The following SPHKAP variants were observed in gnomAD, a reference collection of about 807,000 sequenced individuals.
SPHKAP encodes A-kinase anchor protein SPHKAP.
SPHKAP carries 67 observed loss-of-function variants against 137.5 expected under a neutral mutation model. The observed-to-expected ratio is 0.49, with a 90% CI of 0.40 to 0.60. SPHKAP has a LOEUF of 0.60. SPHKAP is among the 20% of genes least tolerant of loss of function. SPHKAP has a pLI of 0.00. For synonymous variants in SPHKAP, 813 were observed against 785.3 expected, an observed-to-expected ratio of 1.04 and a Z score of -0.59; for missense variants, 2,097 against 2,069.3, an observed-to-expected ratio of 1.01 and a Z score of -0.26.
chr2:228,026,953 C>A (rs1695064396), intron 4 of SPHKAP, among the ~76,000 whole-genome samples: 1 of 152,230 alleles, frequency 6.6e-6, no homozygotes, highest in South Asian at 2.1e-4. Context: ...CTTATTACAG[C>A]ACTTAATTCT....
chr2:228,113,088 G>A (rs903774140), intron 2 of SPHKAP, among the ~76,000 whole-genome samples: 1 of 152,056 alleles, frequency 6.6e-6, no homozygotes, highest in African/African-American at 2.4e-5. Flanking sequence ...TTTGTTTGGT[G>A]AGAATATTCA....
At chr2:228,098,141 C>CGT (rs1468377087) in intron 3 of SPHKAP, among the ~76,000 whole-genome samples, 1 of 134,026 alleles carries the variant, frequency 7.5e-6, no homozygotes, top group Non-Finnish European at 1.6e-5. Flanking sequence ...ACGTTGCCAA[C>CGT]ATATTTTTTT....
intron 3 of SPHKAP, among the ~76,000 whole-genome samples, chr2:228,098,782 CT>C (rs1698091172): frequency 6.9e-6 from 1 of 143,898 alleles, no homozygotes; most frequent in Non-Finnish European, 1.5e-5. Context: ...AAAAAAGTGT[CT>C]GTTCATGGCC....
At chr2:228,049,485 A>T (rs1444267600) in intron 3 of SPHKAP, among the ~76,000 whole-genome samples, 1 of 152,218 alleles carries the variant, frequency 6.6e-6, no homozygotes, top group Non-Finnish European at 1.5e-5. Flanking sequence ...TTAGCACTTC[A>T]AATTATTTAT....
At chr2:228,101,506 T>C (rs1698181334) in intron 3 of SPHKAP, among the ~76,000 whole-genome samples, 1 of 152,240 alleles carries the variant, frequency 6.6e-6, no homozygotes, top group African/African-American at 2.4e-5. Context: ...AATTCTCTCT[T>C]AAGTCTTGCC....
chr2:228,109,024 TA>T, intron 2 of SPHKAP, 85 bp from the exon 3 acceptor site: 5 of 900,744 alleles, frequency 5.6e-6, no homozygotes, highest in Non-Finnish European at 8.0e-6. Flanking sequence ...TTTTTTCTTA[TA>T]AAAAAACCTG....
At chr2:228,010,197 T>G (rs1026662435) in intron 7 of SPHKAP, among the ~76,000 whole-genome samples, 1 of 152,192 alleles carries the variant, frequency 6.6e-6, no homozygotes, top group Admixed American at 6.5e-5. Context: ...GTACAATGTA[T>G]GAAATCAGTT....
At chr2:228,001,365 A>G (rs1369065328) in intron 7 of SPHKAP, among the ~76,000 whole-genome samples, 2 of 144,086 alleles carry the variant, frequency 1.4e-5, no homozygotes, top group Non-Finnish European at 3.0e-5. Context: ...ATAAATATAT[A>G]CACACATAAA....
intron 3 of SPHKAP, among the ~76,000 whole-genome samples, chr2:228,040,874 T>C (rs1041637539): frequency 1.3e-5 from 2 of 152,234 alleles, no homozygotes; most frequent in African/African-American, 4.8e-5. Context: ...TTACTAGATA[T>C]GTAACACATT....
chr2:228,155,402 T>C (rs909207580), intron 1 of SPHKAP, among the ~76,000 whole-genome samples: 26 of 152,152 alleles, frequency 1.7e-4, no homozygotes, highest in African/African-American at 4.8e-5. Context: ...ATATAAATCA[T>C]AAAAACAGAA....
intron 1 of SPHKAP, among the ~76,000 whole-genome samples, chr2:228,158,223 C>T (rs1426345213): frequency 1.3e-5 from 2 of 152,072 alleles, no homozygotes; most frequent in Admixed American, 6.6e-5. Context: ...AAATTGTCCA[C>T]TATCTGCATT....
At chr2:228,051,213 G>A (rs928062656) in intron 3 of SPHKAP, among the ~76,000 whole-genome samples, 35 of 152,218 alleles carry the variant, frequency 2.3e-4, no homozygotes, top group Middle Eastern at 3.4e-3. Flanking sequence ...GTTCAGTAGG[G>A]ACTACATTGT....
chr2:228,132,199 A>C (rs567898901), intron 1 of SPHKAP, 114 bp from the exon 2 acceptor site: 96 of 879,704 alleles, frequency 1.1e-4, no homozygotes, highest in Non-Finnish European at 1.4e-4. Flanking sequence ...TTCAGATTGC[A>C]TTAAACACTG....
chr2:228,033,134 A>G (rs1179686934), intron 3 of SPHKAP, among the ~76,000 whole-genome samples: 1 of 152,174 alleles, frequency 6.6e-6, no homozygotes, highest in African/African-American at 2.4e-5. Context: ...CAGGAAACCC[A>G]TCTCACGTGC....
At chr2:228,154,512 C>CTCTCTCTCTCTCTATATA (rs1393941364) in intron 1 of SPHKAP, among the ~76,000 whole-genome samples, 3 of 22,066 alleles carry the variant, frequency 1.4e-4, no homozygotes, top group Admixed American at 1.1e-3. Flanking sequence ...CTCTCTCTCT[C>CTCTCTCTCTCTCTATATA]TATATATATA....
intron 3 of SPHKAP, among the ~76,000 whole-genome samples, chr2:228,032,548 T>C (rs1695378118): frequency 6.6e-6 from 1 of 151,996 alleles, no homozygotes; most frequent in South Asian, 2.1e-4. Flanking sequence ...AAGATACTCC[T>C]CGAGAAGAGC....
chr2:228,177,251 A>C (rs1297481487), intron 1 of SPHKAP, among the ~76,000 whole-genome samples: 10 of 150,690 alleles, frequency 6.6e-5, no homozygotes, highest in Non-Finnish European at 1.5e-5. Flanking sequence ...TTAACCAACT[A>C]TCCACAACCC....
intron 3 of SPHKAP, among the ~76,000 whole-genome samples, chr2:228,099,981 C>G (rs1039919126): frequency 2.0e-5 from 3 of 152,214 alleles, no homozygotes; most frequent in Admixed American, 2.0e-4. Flanking sequence ...TCCCGAGTAG[C>G]TGGGACTACA....
chr2:228,113,603 A>ATCTC (rs139499722), intron 2 of SPHKAP, among the ~76,000 whole-genome samples: 3,038 of 97,892 alleles, frequency 0.031, 191 homozygotes, highest in Admixed American at 0.037. Context: ...GCATTTAGCC[A>ATCTC]TCTCTCTCTC....
Sources: allele counts gnomAD v4.1 joint callset (sites outside exome capture counted in the v4.1 genomes callset), GRCh38; gene constraint gnomAD v4.1.1; transcripts MANE v1.5; gene names NCBI Gene and HGNC (gene_info 2026-07-23, HGNC 2026-07-21).